The following STXBP4 variants were observed in gnomAD, a reference collection of about 807,000 sequenced individuals.
STXBP4 encodes syntaxin binding protein 4, also known as syntaxin-binding protein 4.
STXBP4 carries 55 observed loss-of-function variants against 76.1 expected under a neutral mutation model. The observed-to-expected ratio is 0.72, with a 90% CI of 0.58 to 0.91. STXBP4 has a LOEUF of 0.91. STXBP4 is among the 40% of genes least tolerant of loss of function. The probability of loss-of-function intolerance (pLI) is 0.00; values close to 1 mark genes in which losing one functional copy is unlikely to be tolerated. For missense variants in STXBP4, 618 were observed against 636.9 expected (o/e 0.97, Z 0.32); for synonymous variants, 201 against 220.2 (o/e 0.91, Z 0.77).
intron 16 of STXBP4, among the ~76,000 whole-genome samples, chr17:55,105,767 C>A (rs150487173): frequency 1.3e-5 from 2 of 151,942 alleles, no homozygotes; most frequent in Admixed American, 1.3e-4. Context: ...CATGAGCCAC[C>A]GCACCTGGCC....
the STXBP4 span, among the ~76,000 whole-genome samples, chr17:55,208,293 T>G: frequency 6.6e-6 from 1 of 152,014 alleles, no homozygotes. Flanking sequence ...TGTTGTTGAC[T>G]TGACTACAGA....
rs1598286713 is a variant in STXBP4, at chr17:55,072,948, C to G, written c.1060C>G (p.His354Asp). The change falls in exon 13 of 18, where the codon CAT (histidine) becomes GAT (aspartate). Residue 354 changes from histidine to aspartate, a missense_variant. By Grantham distance (81) the His-to-Asp change is moderately conservative. Coordinates refer to ENST00000376352, the MANE Select transcript of STXBP4 (RefSeq NM_178509.6). ...EETRALRSRI[H>D]LAEAAQRQAH... is the part of the protein sequence containing the mutation. ...AACAAGAGCCCTGCGTAGTCGGATTCATCTTGCTGAAGCTGCTCAGAGACA... is the reference window on the plus strand; with the variant it reads ...AACAAGAGCCCTGCGTAGTCGGATTGATCTTGCTGAAGCTGCTCAGAGACA... The G allele has an allele frequency of 6.2e-7, 1 of 1,613,660 alleles. No homozygotes were observed. The highest frequency in any genetic ancestry group is 1.1e-5 in the South Asian group (1 of 90,982).
At chr17:55,195,987 G>C in the STXBP4 span, among the ~76,000 whole-genome samples, 1 of 152,140 alleles carries the variant, frequency 6.6e-6, no homozygotes, top group Non-Finnish European at 1.5e-5. Flanking sequence ...ACAGTGTCCA[G>C]CTTCAGAAAT....
At chr17:55,077,227 A>C (rs187919781) in intron 13 of STXBP4, among the ~76,000 whole-genome samples, 96 of 152,204 alleles carry the variant, frequency 6.3e-4, no homozygotes, top group African/African-American at 2.2e-3. Flanking sequence ...ATGTTCTATC[A>C]ATGCATTATA....
At position 55,147,288 on chromosome 17, in the gene STXBP4, C is replaced by A. The variant is rs541120302; in HGVS notation, c.1547+5921C>A. On this transcript the variant is annotated intron_variant, in intron 17 of 17. Coordinates refer to ENST00000376352, the MANE Select transcript of STXBP4 (RefSeq NM_178509.6). ...TACCTCAGTCATCAGGCATTAGATT[C>A]TCATAAGGAGCACGCAACCTCAATC... Among the ~76,000 whole-genome samples, 3 of 152,272 alleles carry A rather than the reference C, an allele frequency of 2.0e-5. No homozygotes were observed. In the East Asian group the frequency reaches 5.8e-4, roughly 29 times the overall value.
intron 8 of STXBP4, among the ~76,000 whole-genome samples, chr17:55,023,916 C>CAAAAAAA (rs61454264): frequency 1.6e-4 from 10 of 62,232 alleles, no homozygotes; most frequent in South Asian, 7.4e-4. Context: ...GGCCCTTTTC[C>CAAAAAAA]AAAAAAAAAA....
At chr17:54,997,402 A>C (rs893083991) in intron 4 of STXBP4, among the ~76,000 whole-genome samples, 2 of 151,828 alleles carry the variant, frequency 1.3e-5, no homozygotes, top group Non-Finnish European at 2.9e-5. Flanking sequence ...ACTTTAATAC[A>C]AGATGGGCTA....
At chr17:54,973,519 AC>A (rs1158021850) in intron 1 of STXBP4, among the ~76,000 whole-genome samples, 1 of 152,220 alleles carries the variant, frequency 6.6e-6, no homozygotes, top group Non-Finnish European at 1.5e-5. Context: ...TAACCTGGAT[AC>A]AAGGAGTTCT....
the STXBP4 span, among the ~76,000 whole-genome samples, chr17:55,183,759 C>T: frequency 2.0e-5 from 3 of 152,128 alleles, no homozygotes; most frequent in East Asian, 5.8e-4. Flanking sequence ...GAAAAGTATA[C>T]TTGAAGGCCA....
the STXBP4 span, among the ~76,000 whole-genome samples, chr17:55,201,389 G>A: frequency 0.055 from 8,400 of 151,880 alleles, 492 homozygotes; most frequent in East Asian, 0.27. Flanking sequence ...AAGGAAGGAA[G>A]GAGAGGAGAG....
chr17:55,106,832 G>T lies in STXBP4; in HGVS notation c.1489+25649G>T, dbSNP rs550282224. 8.5e-5 allele frequency among the ~76,000 whole-genome samples: 13 copies of T among 152,142 alleles called. No individual in the cohort carries two copies. In the South Asian group the frequency reaches 2.7e-3, roughly 32 times the overall value. ...GTAGTCTGATGGGCTTCGCTTTGTG[G>T]GTTACCTGACCTTTTCTCTCTGGCT... On this transcript the variant is annotated intron_variant, in intron 16 of 17. Coordinates refer to ENST00000376352, the MANE Select transcript of STXBP4 (RefSeq NM_178509.6).
intron 12 of STXBP4, among the ~76,000 whole-genome samples, chr17:55,072,349 A>G (rs1033057014): frequency 2.0e-5 from 3 of 152,234 alleles, no homozygotes; most frequent in African/African-American, 7.2e-5. Flanking sequence ...TGAGCCTTGC[A>G]TTCAACAACA....
chr17:55,111,123 T>G lies in STXBP4; in HGVS notation c.1489+29940T>G, dbSNP rs1393555604. On this transcript the variant is annotated intron_variant, in intron 16 of 17. Transcript: ENST00000376352. Reference sequence around the variant, plus strand: ...AATGGCACAGTAACTTCCTAACTTGTCACCCTACTTCCAGATTTCCCTACA... The same window carrying G: ...AATGGCACAGTAACTTCCTAACTTGGCACCCTACTTCCAGATTTCCCTACA... 2.6e-5 allele frequency among the ~76,000 whole-genome samples: 4 copies of G among 152,196 alleles called. No homozygotes were observed. The East Asian group carries it at 7.7e-4, about 29-fold the overall frequency.
chr17:55,208,931 A>T, the STXBP4 span, among the ~76,000 whole-genome samples: 1 of 152,028 alleles, frequency 6.6e-6, no homozygotes, highest in East Asian at 1.9e-4. Flanking sequence ...AAAAAAAAAA[A>T]AATAGCCGGG....
At chr17:55,044,681 G>A (rs1214186465) in intron 11 of STXBP4, 1 of 151,930 alleles carries the variant, frequency 6.6e-6, no homozygotes, top group Non-Finnish European at 1.5e-5. Flanking sequence ...TGTATATGTG[G>A]GGACAGGGAG....
rs1024297352 is a variant in STXBP4 at position 55,058,361 on chromosome 17, G to A, written c.1011+11207G>A. Among the ~76,000 whole-genome samples the A allele has an allele frequency of 2.0e-5, 3 of 152,286 alleles. No individual in the cohort carries two copies. In the East Asian group the frequency reaches 5.8e-4, roughly 29 times the overall value. ...CCGCATAAATGCCTTCTTTTGAGAA[G>A]TGTCTGTTCATATCCTTCACCCACT... On this transcript the variant is annotated intron_variant, in intron 12 of 17. Coordinates refer to ENST00000376352, the MANE Select transcript of STXBP4 (RefSeq NM_178509.6).
chr17:55,102,884 T>C (rs1169020937), intron 16 of STXBP4, among the ~76,000 whole-genome samples: 2 of 152,248 alleles, frequency 1.3e-5, no homozygotes, highest in Admixed American at 1.3e-4. Flanking sequence ...CCAGTGGTGA[T>C]GAGCTTTTTT....
At chr17:55,058,615 G>A (rs917372913) in intron 12 of STXBP4, among the ~76,000 whole-genome samples, 4 of 152,144 alleles carry the variant, frequency 2.6e-5, no homozygotes, top group East Asian at 1.9e-4. Context: ...ATTTGGTAGT[G>A]TCTCTTGCAT....
intron 13 of STXBP4, among the ~76,000 whole-genome samples, chr17:55,075,289 C>T (rs553520929): frequency 1.3e-5 from 2 of 152,084 alleles, no homozygotes; most frequent in Admixed American, 1.3e-4. Flanking sequence ...GAAATATACT[C>T]TATGTATCAT....
Sources: gnomAD v4.1 joint callset for allele counts (sites outside exome capture counted in the v4.1 genomes callset) on GRCh38, gnomAD v4.1.1 for gene constraint, MANE v1.5 for transcripts, NCBI Gene and HGNC (gene_info 2026-07-23, HGNC 2026-07-21) for gene names.